Variants in C5orf24 observed in about 807,000 individuals in gnomAD.
C5orf24 encodes the protein chromosome 5 open reading frame 24.
C5orf24 carries 4 observed loss-of-function variants against 9.8 expected under a neutral mutation model. The observed-to-expected ratio is 0.41, with a 90% CI of 0.20 to 0.93. C5orf24 has a LOEUF of 0.93. C5orf24 is among the 40% of genes least tolerant of loss of function. The pLI is 0.33. For missense variants in C5orf24, 170 were observed against 236.9 expected (o/e 0.72, Z 1.85); for synonymous variants, 73 against 81.3 (o/e 0.90, Z 0.55).
At chr5:134,839,182 C>T in the C5orf24 span, among the ~76,000 whole-genome samples, 6 of 147,138 alleles carry the variant, frequency 4.1e-5, no homozygotes, top group Non-Finnish European at 8.9e-5. Context: ...AGCCTGGCAA[C>T]AGAGCAAGAC....
chr5:134,843,934 A>G (rs1206301992), upstream of C5orf24, among the ~76,000 whole-genome samples: 1 of 152,216 alleles, frequency 6.6e-6, no homozygotes, highest in Non-Finnish European at 1.5e-5. Flanking sequence ...AATTTCTTAC[A>G]TGTGGAAACT....
upstream of C5orf24, among the ~76,000 whole-genome samples, chr5:134,841,837 G>C (rs1249774022): frequency 6.6e-6 from 1 of 152,144 alleles, no homozygotes; most frequent in Non-Finnish European, 1.5e-5. Flanking sequence ...GAGCTACATA[G>C]TGGAGATTAG....
At position 134,855,832 on chromosome 5, in the gene C5orf24, A is replaced by G. The variant is rs1281091359; in HGVS notation, c.*365A>G. ...CTATTAGTTTGTGAAGTAAGCCTAC[A>G]GTATAATAAAGACACTAACGTATTT... On this transcript the variant is annotated 3_prime_UTR_variant, in exon 2 of 2. Transcript: ENST00000394976. The G allele has an allele frequency of 9.4e-7, 1 of 1,063,880 alleles. No individual in the cohort carries two copies. The highest frequency in any genetic ancestry group is 3.4e-5 in the South Asian group (1 of 29,310). 65.9% of individuals were successfully genotyped at this position (1,063,880 alleles called of 1,614,324 possible).
rs1468588668 is a variant in C5orf24 at position 134,853,531 on chromosome 5, T to C, written c.-3-1367T>C. The stretch of plus-strand genomic sequence containing the variant: ...TTTGGACCTTCTTCTTCTTCTTCTT[T>C]TTTTTTTTTTTTTTTTTTTTCTATT... On this transcript the variant is annotated intron_variant, in intron 1 of 1. Transcript: ENST00000394976. Among the ~76,000 whole-genome samples, 77 of 134,670 alleles carry C rather than the reference T, an allele frequency of 5.7e-4. 1 individual carries two copies. The highest frequency in any genetic ancestry group is 1.7e-3 in the African/African-American group (51 of 30,506). 88.3% of individuals were successfully genotyped at this position (134,670 alleles called of 152,430 possible).
chr5:134,856,881 T>C lies in C5orf24; in HGVS notation c.*1414T>C. 3 of 1,000,790 alleles carry C rather than the reference T, an allele frequency of 3.0e-6. No individual in the cohort carries two copies. The highest frequency in any genetic ancestry group is 3.6e-6 in the Non-Finnish European group (3 of 830,436). 62.0% of individuals were successfully genotyped at this position (1,000,790 alleles called of 1,614,324 possible). Reference sequence around the variant, plus strand: ...CCAAATATTAAGAAGCATATAGGAATCCATCTATGCATGAAACATGTAAAA... The same window carrying C: ...CCAAATATTAAGAAGCATATAGGAACCCATCTATGCATGAAACATGTAAAA... On this transcript the variant is annotated 3_prime_UTR_variant, in exon 2 of 2. Transcript: ENST00000394976.
At chr5:134,838,795 A>T in the C5orf24 span, among the ~76,000 whole-genome samples, 1 of 151,884 alleles carries the variant, frequency 6.6e-6, no homozygotes, top group East Asian at 1.9e-4. Flanking sequence ...AAAAAAAAAA[A>T]TTGTCTAAGT....
chr5:134,844,213 GA>G (rs1232256259), upstream of C5orf24, among the ~76,000 whole-genome samples: 1 of 152,100 alleles, frequency 6.6e-6, no homozygotes, highest in South Asian at 2.1e-4. Flanking sequence ...ACCTTGCTTA[GA>G]AAAAAAACTT....
the C5orf24 span, among the ~76,000 whole-genome samples, chr5:134,835,577 G>A: frequency 6.6e-6 from 1 of 152,216 alleles, no homozygotes; most frequent in South Asian, 2.1e-4. Flanking sequence ...AATCCAGGAG[G>A]TGGAGGTTAC....
At chr5:134,840,360 CTATT>C in the C5orf24 span, among the ~76,000 whole-genome samples, 7 of 151,016 alleles carry the variant, frequency 4.6e-5, no homozygotes, top group African/African-American at 1.7e-4. Flanking sequence ...TAGCAGCACC[CTATT>C]TATTTATTCA....
upstream of C5orf24, among the ~76,000 whole-genome samples, chr5:134,841,705 A>G (rs1755896089): frequency 1.3e-5 from 2 of 152,328 alleles, no homozygotes; most frequent in East Asian, 3.9e-4. Context: ...CAACTCTAAC[A>G]TCACAGTCCT....
In C5orf24 at chr5:134,857,430, C is replaced by T. The variant is rs1324825233; in HGVS notation, c.*1963C>T. 2 of 1,542,894 alleles carry T rather than the reference C, an allele frequency of 1.3e-6. No homozygotes were observed. The highest frequency in any genetic ancestry group is 2.0e-5 in the Admixed American group (1 of 50,532). On this transcript the variant is annotated 3_prime_UTR_variant, in exon 2 of 2. Transcript: ENST00000394976. ...GAGCTGGACTTTATGCTGCTCTTTA[C>T]AGTAAGAGGTGTTGCATTGTATGTG...
intron 1 of C5orf24, among the ~76,000 whole-genome samples, chr5:134,851,293 G>A (rs754998072): frequency 3.9e-5 from 6 of 152,108 alleles, no homozygotes; most frequent in East Asian, 3.8e-4. Context: ...ATTTGACTTT[G>A]CAGTAAGAAA....
At chr5:134,850,115 A>G (rs915825998) in intron 1 of C5orf24, among the ~76,000 whole-genome samples, 2 of 152,198 alleles carry the variant, frequency 1.3e-5, no homozygotes, top group African/African-American at 4.8e-5. Flanking sequence ...ATTCTGGACA[A>G]TATTGAAGGA....
Position 134,857,288 on chromosome 5 carries a change from T to G in C5orf24, c.*1821T>G. 1.4e-6 allele frequency: 2 copies of G among 1,480,142 alleles called. No homozygotes were observed. The highest frequency in any genetic ancestry group is 1.8e-6 in the Non-Finnish European group (2 of 1,104,574). The allele number at this position is 1,480,142 out of a possible 1,614,324, so 91.7% of individuals were successfully genotyped here. A position where few individuals can be genotyped will look rare whatever the true frequency, so the allele number is the denominator to read the frequency against. ...AATTTTAAAAGAGCACATGTTGTGT[T>G]TTTTGGGCTTGCTATTAATGCAAAC... On this transcript the variant is annotated 3_prime_UTR_variant, in exon 2 of 2. Coordinates refer to ENST00000394976, the MANE Select transcript of C5orf24 (RefSeq NM_001135586.1).
chr5:134,859,198 A>G lies in C5orf24; in HGVS notation c.*3731A>G, dbSNP rs953339134. On this transcript the variant is annotated 3_prime_UTR_variant, in exon 2 of 2. Coordinates refer to ENST00000394976, the MANE Select transcript of C5orf24 (RefSeq NM_001135586.1). ...CTACTCTGTCGGTCATTGTCTCTAT[A>G]TGCAGTAAAATTTTATGGTCCCTTT... 5 of 167,040 alleles carry G rather than the reference A, an allele frequency of 3.0e-5. No homozygotes were observed. The Admixed American group carries it at 3.3e-4, about 11-fold the overall frequency. The allele number at this position is 167,040 out of a possible 1,614,324, so 10.3% of individuals were successfully genotyped here.
Position 134,851,552 on chromosome 5 carries a change from T to C in C5orf24, c.-3-3346T>C, listed in dbSNP as rs534680197. On this transcript the variant is annotated intron_variant, in intron 1 of 1. Coordinates refer to ENST00000394976, the MANE Select transcript of C5orf24 (RefSeq NM_001135586.1). ...TCTAGTGGGTAGAGGCCAGGGATGCTGCTAAACATTGTACAATGCAGTGGA... is the reference window on the plus strand; with the variant it reads ...TCTAGTGGGTAGAGGCCAGGGATGCCGCTAAACATTGTACAATGCAGTGGA... Among the ~76,000 whole-genome samples the C allele has an allele frequency of 5.3e-5, 8 of 151,808 alleles. No homozygotes were observed. The South Asian group carries it at 1.7e-3, about 32-fold the overall frequency.
chr5:134,840,828 A>T (rs1317435306), upstream of C5orf24, among the ~76,000 whole-genome samples: 2 of 151,968 alleles, frequency 1.3e-5, no homozygotes, highest in African/African-American at 2.4e-5. Context: ...AAGCCATTGC[A>T]CCTGTCTGGG....
chr5:134,837,914 A>C, the C5orf24 span, among the ~76,000 whole-genome samples: 1 of 152,216 alleles, frequency 6.6e-6, no homozygotes, highest in Non-Finnish European at 1.5e-5. Flanking sequence ...AAAATGTACA[A>C]AGCAAGATTC....
the C5orf24 span, among the ~76,000 whole-genome samples, chr5:134,840,131 A>C: frequency 1.3e-5 from 2 of 151,476 alleles, no homozygotes; most frequent in Non-Finnish European, 2.9e-5. Context: ...AAATGGTGAA[A>C]CTCCATCTCT....
Sources: allele counts gnomAD v4.1 joint callset (sites outside exome capture counted in the v4.1 genomes callset), GRCh38; gene constraint gnomAD v4.1.1; transcripts MANE v1.5; gene names NCBI Gene and HGNC (gene_info 2026-07-23, HGNC 2026-07-21).